Variants in CERS1 observed in about 807,000 individuals in gnomAD.
CERS1 encodes ceramide synthase 1.
A neutral mutation model predicts 35.7 loss-of-function variants in CERS1; 16 were observed. That is an observed-to-expected ratio of 0.45 (90% CI 0.30 to 0.68). The LOEUF is 0.68. Among genes scored for constraint, CERS1 ranks in the 30% least tolerant of loss-of-function variants. CERS1 has a pLI of 0.08. For missense variants in CERS1, 454 were observed against 453.9 expected (o/e 1.00, Z 0.00); for synonymous variants, 243 against 201.6 (o/e 1.21, Z -1.74).
In CERS1 at chr19:18,878,257, G is replaced by A. The variant is rs913750924; in HGVS notation, c.1010+673C>T. ...AGACACTGCACACCCGACTCTGCTTGTTACCCAGTTTGGCCTCCGTTCATC... is the reference window on the plus strand; with the variant it reads ...AGACACTGCACACCCGACTCTGCTTATTACCCAGTTTGGCCTCCGTTCATC... On this transcript the variant is annotated intron_variant, in intron 6 of 7. Coordinates refer to ENST00000623882, the MANE Select transcript of CERS1 (RefSeq NM_021267.5). This position sits in a 1 kb window ranked among gnomAD's most constrained non-coding sequence, Gnocchi z 4.6. The A allele has an allele frequency of 1.0e-6, 1 of 985,612 alleles. No individual in the cohort carries two copies. Among genetic ancestry groups the A allele is most frequent in the Non-Finnish European group, 1.2e-6 (1 of 830,308 alleles). The allele number at this position is 985,612 out of a possible 1,614,324, so 61.1% of individuals were successfully genotyped here. A position where few individuals can be genotyped will look rare whatever the true frequency, so the allele number is the denominator to read the frequency against.
At chr19:18,885,411 G>C (rs1251185928) in intron 2 of CERS1, among the ~76,000 whole-genome samples, 2 of 151,496 alleles carry the variant, frequency 1.3e-5, no homozygotes, top group African/African-American at 4.9e-5. Flanking sequence ...TGCCCAGGGT[G>C]ATCTCGAACT....
intron 3 of CERS1, among the ~76,000 whole-genome samples, chr19:18,882,929 G>A (rs1037321220): frequency 3.9e-5 from 6 of 152,132 alleles, no homozygotes; most frequent in African/African-American, 1.4e-4. Context: ...CTGACCTCAT[G>A]ATCCGCTCGC....
At chr19:18,877,979 T>C (rs1428847800) in intron 6 of CERS1, 1 of 985,340 alleles carries the variant, frequency 1.0e-6, no homozygotes, top group Admixed American at 6.2e-5. Context: ...GGTTCTCCCT[T>C]CCAAACAGGG....
chr19:18,869,883 G>A lies in CERS1; in HGVS notation c.*594+100C>T, dbSNP rs1235462308. ...CTAGTAGCCTGGACAGGGCGGGTGG[G>A]GACCCTCGGAGCTGCTCGGGCATCC... On this transcript the variant is annotated intron_variant, in intron 7 of 7. Transcript: ENST00000623882. The A allele has an allele frequency of 2.5e-6, 3 of 1,192,994 alleles. No individual in the cohort carries two copies. In the East Asian group the frequency reaches 7.6e-5, roughly 30 times the overall value. 73.9% of individuals were successfully genotyped at this position (1,192,994 alleles called of 1,614,324 possible). A position where few individuals can be genotyped will look rare whatever the true frequency, so the allele number is the denominator to read the frequency against.
At chr19:18,888,148 T>A (rs1294995957) in intron 2 of CERS1, among the ~76,000 whole-genome samples, 1 of 152,054 alleles carries the variant, frequency 6.6e-6, no homozygotes, top group East Asian at 1.9e-4. Flanking sequence ...TCACTTGAGG[T>A]CAGAAGTTCA....
At position 18,878,511 on chromosome 19, in the gene CERS1, T is replaced by C. The variant is rs4808870; in HGVS notation, c.1010+419A>G. The stretch of plus-strand genomic sequence containing the variant: ...CCAGATGGAGCCTGGGTTCTCTCTG[T>C]GGCCCTTGGCGTTCCTTCCTCCCCA... On this transcript the variant is annotated intron_variant, in intron 6 of 7. Transcript: ENST00000623882. This position sits in a 1 kb window ranked among gnomAD's most constrained non-coding sequence, Gnocchi z 4.6. 904,707 of 1,011,886 alleles carry C rather than the reference T, an allele frequency of 0.89. 404,873 individuals are homozygous for C. The highest frequency in any genetic ancestry group is 0.97 in the African/African-American group (56,112 of 57,922). 62.7% of individuals were successfully genotyped at this position (1,011,886 alleles called of 1,614,324 possible).
chr19:18,882,643 ATAAG>A (rs2056241308), intron 3 of CERS1, among the ~76,000 whole-genome samples: 1 of 151,420 alleles, frequency 6.6e-6, no homozygotes, highest in Non-Finnish European at 1.5e-5. Context: ...TCTCAAAAAA[ATAAG>A]TAAGTAAATA....
intron 6 of CERS1, among the ~76,000 whole-genome samples, chr19:18,875,406 G>T (rs2145999952): frequency 6.6e-6 from 1 of 152,134 alleles, no homozygotes; most frequent in South Asian, 2.1e-4. Flanking sequence ...AGCTGGGTCT[G>T]GTGACACACG....
chr19:18,885,511 G>GTTTTT (rs59793456), intron 2 of CERS1, among the ~76,000 whole-genome samples: 568 of 22,088 alleles, frequency 0.026, 29 homozygotes, highest in African/African-American at 0.06. Context: ...GCCCCTTCTC[G>GTTTTT]TTTTTTTTTT....
Position 18,893,253 on chromosome 19 carries a change from C to T in CERS1, c.409+163G>A, listed in dbSNP as rs570510703. On this transcript the variant is annotated intron_variant, in intron 2 of 7. Coordinates refer to ENST00000623882, the MANE Select transcript of CERS1 (RefSeq NM_021267.5). ...GATACAAGACAGGGTCTCACTCTGT[C>T]GTCCAGGCTGGAGTGCAGTGGCGTG... 3.1e-4 allele frequency among the ~76,000 whole-genome samples: 45 copies of T among 146,114 alleles called. No individual in the cohort carries two copies. In the South Asian group the frequency reaches 4.0e-3, roughly 13 times the overall value.
intron 2 of CERS1, among the ~76,000 whole-genome samples, chr19:18,891,959 T>A (rs527906999): frequency 1.4e-5 from 2 of 147,056 alleles, no homozygotes; most frequent in East Asian, 4.1e-4. Context: ...AGTGGCACCA[T>A]CTCGGCTCAC....
intron 4 of CERS1, 26 bp from the exon 5 acceptor site, chr19:18,879,414 G>T (rs781448781): frequency 6.4e-7 from 1 of 1,551,558 alleles, no homozygotes; most frequent in East Asian, 2.4e-5. Flanking sequence ...TCAGGAGGCC[G>T]TGGGTGGAGG....
chr19:18,893,610 G>C, intron 1 of CERS1, 35 bp from the exon 2 acceptor site: 1 of 1,582,188 alleles, frequency 6.3e-7, no homozygotes, highest in Non-Finnish European at 8.6e-7. Context: ...AGCCATTGGT[G>C]CTGGGGGCCA....
In CERS1 at chr19:18,879,273, G is replaced by A; in HGVS notation, c.868C>T (p.Leu290=). Residue 290 remains leucine (L), a synonymous_variant, in exon 5 of 8, where the codon CTG becomes TTG. Coordinates refer to ENST00000623882, the MANE Select transcript of CERS1 (RefSeq NM_021267.5). ...FYFFFNALLL[L]LTLMNLYWFL... is the part of the protein sequence containing the mutation. The stretch of plus-strand genomic sequence containing the variant: ...CAGTAGAGGTTCATAAGGGTGAGCA[G>A]CAGCAGGAGCGCATTGAAGAAGAAG... 6.2e-7 allele frequency: 1 copy of A among 1,613,610 alleles called. No individual in the cohort carries two copies. Among genetic ancestry groups the A allele is most frequent in the Non-Finnish European group, 8.5e-7 (1 of 1,179,750 alleles).
intron 2 of CERS1, among the ~76,000 whole-genome samples, chr19:18,892,572 C>T (rs1484302560): frequency 6.6e-6 from 1 of 152,022 alleles, no homozygotes; most frequent in Non-Finnish European, 1.5e-5. Context: ...CGAGATCGCG[C>T]CACTGCACTC....
In CERS1 at chr19:18,870,489, T is replaced by G; in HGVS notation, c.*88A>C. 1.7e-5 allele frequency: 1 copy of G among 57,664 alleles called. No homozygotes were observed. Among genetic ancestry groups the G allele is most frequent in the Non-Finnish European group, 3.6e-5 (1 of 27,872 alleles). The allele number at this position is 57,664 out of a possible 1,614,324, so 3.6% of individuals were successfully genotyped here. On this transcript the variant is annotated 3_prime_UTR_variant, in exon 7 of 8. Coordinates refer to ENST00000623882, the MANE Select transcript of CERS1 (RefSeq NM_021267.5). This position sits in a 1 kb window ranked among gnomAD's most constrained non-coding sequence, Gnocchi z 5.1. ...GGCGGCGGCCCTAGAGGAGCAGAGT[T>G]GGAGGGGGTGGAGGGGCGGCCAAGG... is the stretch of plus-strand genomic sequence containing the variant.
chr19:18,870,270 A>AGGT lies in CERS1; in HGVS notation c.*304_*306dup. On this transcript the variant is annotated 3_prime_UTR_variant, in exon 7 of 8. Coordinates refer to ENST00000623882, the MANE Select transcript of CERS1 (RefSeq NM_021267.5). This position sits in a 1 kb window ranked among gnomAD's most constrained non-coding sequence, Gnocchi z 5.1. ...CAGCAGCAGGGCCAGGAGGAGGAGG[A>AGGT]GGTGGTGGCCGCAGGGACCTTGCTG... 2 of 1,545,392 alleles carry AGGT rather than the reference A, an allele frequency of 1.3e-6. No individual in the cohort carries two copies. Among genetic ancestry groups the AGGT allele is most frequent in the Non-Finnish European group, 1.7e-6 (2 of 1,146,978 alleles).
In CERS1 at chr19:18,895,514, C is replaced by T. The variant is rs376304243; in HGVS notation, c.249+310G>A. On this transcript the variant is annotated intron_variant, in intron 1 of 7. Coordinates refer to ENST00000623882, the MANE Select transcript of CERS1 (RefSeq NM_021267.5). This position sits in a 1 kb window ranked among gnomAD's most constrained non-coding sequence, Gnocchi z 6.4. The stretch of plus-strand genomic sequence containing the variant: ...GAAAGGGCCGTGCCTCGGTCCCCCA[C>T]GTCTCAAACATCCCACCTGTCTCGG... 5.9e-5 allele frequency among the ~76,000 whole-genome samples: 9 copies of T among 152,050 alleles called. No homozygotes were observed. The highest frequency in any genetic ancestry group is 2.2e-4 in the African/African-American group (9 of 41,486).
In CERS1 at chr19:18,895,747, C is replaced by T. The variant is rs969015392; in HGVS notation, c.249+77G>A. 2.0e-5 allele frequency: 16 copies of T among 797,874 alleles called. No homozygotes were observed. Among genetic ancestry groups the T allele is most frequent in the Admixed American group, 5.4e-5 (1 of 18,558 alleles). 49.4% of individuals were successfully genotyped at this position (797,874 alleles called of 1,614,324 possible). ...CAGCCAGCGCTGGAAGAAAGGAACG[C>T]GCCGGCGGCCCCAGGTCCCCGGTCC... On this transcript the variant is annotated intron_variant, in intron 1 of 7. Transcript: ENST00000623882. The surrounding 1 kb of genome is among the most constrained non-coding windows in gnomAD (Gnocchi z 6.4).
Sources: gnomAD v4.1 joint callset for allele counts (sites outside exome capture counted in the v4.1 genomes callset) on GRCh38, gnomAD v4.1.1 for gene constraint, Gnocchi (gnomAD v3.1) non-coding constraint, MANE v1.5 for transcripts, NCBI Gene and HGNC (gene_info 2026-07-23, HGNC 2026-07-21) for gene names.